Variants in HNF4G observed in about 807,000 individuals in gnomAD.
The protein encoded by HNF4G is hepatocyte nuclear factor 4-gamma.
Under a neutral mutation model 50.9 loss-of-function variants are expected in HNF4G, and 21 were observed. The ratio of observed to expected loss-of-function variants is 0.41; its 90% CI spans 0.29 to 0.59. The LOEUF is 0.59. Among genes scored for constraint, HNF4G ranks in the 20% least tolerant of loss-of-function variants. The pLI is 0.26. For synonymous variants in HNF4G, 198 were observed against 185.6 expected (o/e 1.07, Z -0.54); for missense variants, 527 against 559.4 (o/e 0.94, Z 0.58).
chr8:75,554,030 GGTAA>G (rs201092961), intron 5 of HNF4G, among the ~76,000 whole-genome samples: 1,701 of 152,018 alleles, frequency 0.011, 40 homozygotes, highest in African/African-American at 0.039. Flanking sequence ...AATTAACCAT[GGTAA>G]GTGTTATAAC....
chr8:75,459,042 C>T (rs1203031385), intron 1 of HNF4G, among the ~76,000 whole-genome samples: 1 of 151,922 alleles, frequency 6.6e-6, no homozygotes, highest in African/African-American at 2.4e-5. Flanking sequence ...CAATTTTTCC[C>T]ACTATTTTTT....
chr8:75,534,274 C>T (rs2006717), intron 2 of HNF4G, among the ~76,000 whole-genome samples: 99,926 of 151,706 alleles, frequency 0.66, 34,804 homozygotes, highest in African/African-American at 0.9. Context: ...ACTTCAGTTT[C>T]CTTACCAGTA....
intron 4 of HNF4G, 87 bp from the exon 5 acceptor site, chr8:75,552,955 C>G (rs946233961): frequency 8.0e-6 from 7 of 870,816 alleles, no homozygotes; most frequent in Non-Finnish European, 1.2e-5. Context: ...CTTCTATGGC[C>G]TTTACTTATC....
intron 1 of HNF4G, among the ~76,000 whole-genome samples, chr8:75,467,501 A>G (rs531623288): frequency 7.9e-5 from 12 of 152,152 alleles, no homozygotes; most frequent in Non-Finnish European, 1.0e-4. Context: ...CTCTACTAAA[A>G]TACAAAAAAT....
intron 9 of HNF4G, 119 bp from the exon 10 acceptor site, chr8:75,563,856 G>A: frequency 1.8e-6 from 2 of 1,106,738 alleles, no homozygotes; most frequent in Non-Finnish European, 2.6e-6. Context: ...ACTATTCTGT[G>A]TAGGATATTT....
chr8:75,563,816 G>A (rs997376168), intron 9 of HNF4G, among the ~76,000 whole-genome samples, 159 bp from the exon 10 acceptor site: 2 of 152,034 alleles, frequency 1.3e-5, no homozygotes, highest in East Asian at 1.9e-4. Flanking sequence ...CTAACAGTAC[G>A]TCATGGGCCA....
intron 1 of HNF4G, among the ~76,000 whole-genome samples, chr8:75,419,235 A>G (rs1321048576): frequency 2.6e-5 from 4 of 152,160 alleles, no homozygotes; most frequent in Admixed American, 6.5e-5. Flanking sequence ...AGCAAGGCAG[A>G]TACTGTGTTT....
chr8:75,413,533 C>T (rs530423796), intron 1 of HNF4G, among the ~76,000 whole-genome samples: 5 of 152,218 alleles, frequency 3.3e-5, no homozygotes, highest in African/African-American at 9.6e-5. Flanking sequence ...TTAGAAACAA[C>T]TCTTTCCTAA....
chr8:75,470,475 C>T (rs1314959081), intron 1 of HNF4G, among the ~76,000 whole-genome samples: 1 of 152,088 alleles, frequency 6.6e-6, no homozygotes, highest in Non-Finnish European at 1.5e-5. Context: ...ACAGATTGTT[C>T]ATTCCTTTAA....
chr8:75,538,637 C>G (rs1419159982), upstream of HNF4G, among the ~76,000 whole-genome samples: 1 of 152,154 alleles, frequency 6.6e-6, no homozygotes, highest in African/African-American at 2.4e-5. Flanking sequence ...ACTGAATAAC[C>G]TATGTCTAGT....
At chr8:75,465,481 T>C (rs961574946) in intron 1 of HNF4G, among the ~76,000 whole-genome samples, 1 of 151,992 alleles carries the variant, frequency 6.6e-6, no homozygotes, top group African/African-American at 2.4e-5. Flanking sequence ...ATTTTATAGG[T>C]TTAAAAAATT....
chr8:75,558,785 C>G lies in HNF4G; in HGVS notation c.887-16C>G. The G allele has an allele frequency of 1.2e-6, 2 of 1,605,970 alleles. No individual in the cohort carries two copies. Among genetic ancestry groups the G allele is most frequent in the Non-Finnish European group, 1.7e-6 (2 of 1,172,660 alleles). On this transcript the variant is annotated splice_polypyrimidine_tract_variant and intron_variant, in intron 7 of 9. Coordinates refer to ENST00000396423, the MANE Select transcript of HNF4G (RefSeq NM_004133.5). ...TAGGTTAAATCTGTACACTGCCTCT[C>G]TTATTCCTTTGTTAGATGCAAAAGG... is the stretch of plus-strand genomic sequence containing the variant.
chr8:75,543,154 C>A (rs1345742605), intron 1 of HNF4G, among the ~76,000 whole-genome samples: 2 of 152,074 alleles, frequency 1.3e-5, no homozygotes, highest in Non-Finnish European at 2.9e-5. Flanking sequence ...TTGCAGTGAG[C>A]CGAGATCGCA....
intron 2 of HNF4G, among the ~76,000 whole-genome samples, chr8:75,532,438 A>G (rs1041032853): frequency 1.3e-5 from 2 of 152,112 alleles, no homozygotes; most frequent in Non-Finnish European, 2.9e-5. Flanking sequence ...ATTTAGAAAT[A>G]TGTTCAATGT....
intron 2 of HNF4G, among the ~76,000 whole-genome samples, chr8:75,517,980 C>T (rs1585915057): frequency 6.7e-6 from 1 of 149,220 alleles, no homozygotes; most frequent in Non-Finnish European, 1.5e-5. Context: ...AACCTCAATT[C>T]TTTTTTTTTT....
chr8:75,559,810 ATAAT>A (rs908983838), intron 8 of HNF4G, among the ~76,000 whole-genome samples: 181 of 152,306 alleles, frequency 1.2e-3, no homozygotes, highest in African/African-American at 4.1e-3. Flanking sequence ...TGCTCCTGAA[ATAAT>A]TAATTGACAC....
chr8:75,431,069 G>C (rs1384817717), intron 1 of HNF4G, among the ~76,000 whole-genome samples: 4 of 152,032 alleles, frequency 2.6e-5, no homozygotes, highest in Admixed American at 6.6e-5. Flanking sequence ...ACAAATGAAA[G>C]TTGAAATTTA....
At chr8:75,419,047 T>A (rs1810715825) in intron 1 of HNF4G, among the ~76,000 whole-genome samples, 1 of 152,202 alleles carries the variant, frequency 6.6e-6, no homozygotes, top group African/African-American at 2.4e-5. Flanking sequence ...TCTTGTTTTT[T>A]AAAAAATAAT....
At chr8:75,486,668 G>A (rs576948187) in intron 1 of HNF4G, among the ~76,000 whole-genome samples, 1 of 152,142 alleles carries the variant, frequency 6.6e-6, no homozygotes, top group South Asian at 2.1e-4. Flanking sequence ...TATGCTGAAA[G>A]TTTATAGTTG....
Sources: allele counts gnomAD v4.1 joint callset (sites outside exome capture counted in the v4.1 genomes callset), GRCh38; gene constraint gnomAD v4.1.1; transcripts MANE v1.5; gene names NCBI Gene and HGNC (gene_info 2026-07-23, HGNC 2026-07-21).